MCTP1: variants seen among roughly 807,000 people sequenced by gnomAD.
The protein encoded by MCTP1 is multiple C2 and transmembrane domain containing 1.
In MCTP1, 69 loss-of-function variants were observed where a neutral mutation model predicts 120.6. The ratio of observed to expected loss-of-function variants is 0.57; its 90% confidence interval spans 0.47 to 0.70. The LOEUF (loss-of-function observed/expected upper bound fraction) is 0.70. Among genes scored for constraint, MCTP1 ranks in the 30% least tolerant of loss-of-function variants. The pLI, the probability that MCTP1 is intolerant of heterozygous loss-of-function variation, is 0.00. For synonymous variants in MCTP1, 529 were observed against 493.1 expected (o/e 1.07, Z -0.96); for missense variants, 1,203 against 1,248.8 (o/e 0.96, Z 0.55).
intron 11 of MCTP1, among the ~76,000 whole-genome samples, chr5:94,889,544 G>A (rs1186469505): frequency 3.3e-5 from 5 of 152,048 alleles, no homozygotes; most frequent in African/African-American, 4.8e-5. Context: ...AGCCAAGATC[G>A]CGCCACTGCA....
chr5:94,837,338 A>T (rs1790018266), intron 17 of MCTP1, among the ~76,000 whole-genome samples: 1 of 152,136 alleles, frequency 6.6e-6, no homozygotes, highest in South Asian at 2.1e-4. Flanking sequence ...CCATGATCAT[A>T]CCACTGCACT....
At chr5:95,085,914 C>T (rs965372208) in intron 1 of MCTP1, among the ~76,000 whole-genome samples, 1 of 151,714 alleles carries the variant, frequency 6.6e-6, no homozygotes, top group Non-Finnish European at 1.5e-5. Flanking sequence ...GTGTTATTTG[C>T]CTTTTCCTGA....
intron 2 of MCTP1, among the ~76,000 whole-genome samples, chr5:94,969,547 C>G (rs1304398160): frequency 2.0e-5 from 3 of 151,938 alleles, no homozygotes; most frequent in East Asian, 3.9e-4. Flanking sequence ...AATGCTAAGT[C>G]TTCATCGAAA....
chr5:94,766,867 T>A (rs1389882406), intron 19 of MCTP1, among the ~76,000 whole-genome samples: 1 of 152,156 alleles, frequency 6.6e-6, no homozygotes, highest in Non-Finnish European at 1.5e-5. Flanking sequence ...TATAAAGAAC[T>A]AACAATTCTT....
intron 1 of MCTP1, among the ~76,000 whole-genome samples, chr5:95,201,914 CT>C (rs1751103266): frequency 6.6e-6 from 1 of 152,146 alleles, no homozygotes; most frequent in Admixed American, 6.5e-5. Context: ...GGTATTGCTA[CT>C]CTGTGTTCTA....
At chr5:95,217,003 T>C (rs1034527717) in intron 1 of MCTP1, among the ~76,000 whole-genome samples, 1 of 152,172 alleles carries the variant, frequency 6.6e-6, no homozygotes, top group African/African-American at 2.4e-5. Flanking sequence ...GGTATATCAC[T>C]AGCAGATGCG....
At chr5:95,157,116 A>G (rs28672380) in intron 1 of MCTP1, among the ~76,000 whole-genome samples, 2,468 of 152,292 alleles carry the variant, frequency 0.016, 60 homozygotes, top group African/African-American at 0.056. Context: ...AAAATTATAA[A>G]TAGGTAAAAT....
intron 2 of MCTP1, among the ~76,000 whole-genome samples, chr5:94,988,218 C>A (rs1830758303): frequency 6.6e-6 from 1 of 152,098 alleles, no homozygotes; most frequent in Admixed American, 6.6e-5. Flanking sequence ...TTCATGAATA[C>A]TATACTAAAA....
chr5:95,274,972 C>T (rs551899570), intron 1 of MCTP1, among the ~76,000 whole-genome samples: 7 of 152,152 alleles, frequency 4.6e-5, no homozygotes, highest in African/African-American at 1.4e-4. Context: ...CACATACCCC[C>T]GCAACCACTG....
intron 1 of MCTP1, among the ~76,000 whole-genome samples, chr5:95,164,589 A>G (rs1455554732): frequency 3.3e-5 from 5 of 152,186 alleles, no homozygotes; most frequent in Non-Finnish European, 5.9e-5. Flanking sequence ...TAAACAATAA[A>G]TAAGTTTTAG....
At chr5:95,085,164 G>A (rs1391255861) in intron 1 of MCTP1, among the ~76,000 whole-genome samples, 1 of 151,994 alleles carries the variant, frequency 6.6e-6, no homozygotes, top group Non-Finnish European at 1.5e-5. Context: ...AGACACATCT[G>A]AAGCCTCCAT....
At chr5:94,749,654 C>CAAAAAAAAAAAAAAA (rs57404381) in intron 19 of MCTP1, among the ~76,000 whole-genome samples, 1 of 50,962 alleles carries the variant, frequency 2.0e-5, no homozygotes, top group Non-Finnish European at 3.3e-5. Context: ...GACTTCATCT[C>CAAAAAAAAAAAAAAA]AAAAAAAAAA....
At chr5:94,972,814 T>C (rs1236852464) in intron 2 of MCTP1, among the ~76,000 whole-genome samples, 3 of 152,054 alleles carry the variant, frequency 2.0e-5, no homozygotes, top group African/African-American at 7.2e-5. Flanking sequence ...TTTGTGTGAG[T>C]CCCATTCAAT....
At chr5:94,822,046 G>C (rs1283821408) in intron 17 of MCTP1, among the ~76,000 whole-genome samples, 43 of 151,838 alleles carry the variant, frequency 2.8e-4, no homozygotes, top group Non-Finnish European at 1.3e-4. Context: ...TTTTTGCATG[G>C]TTTTCATATC....
chr5:94,970,136 G>A (rs1198699917), intron 2 of MCTP1, among the ~76,000 whole-genome samples: 3 of 151,952 alleles, frequency 2.0e-5, no homozygotes, highest in Non-Finnish European at 4.4e-5. Context: ...GTGTAGCATA[G>A]GATGGCACTA....
rs1754087389 is a variant in MCTP1, at chr5:94,704,446, A to G, written c.*3050T>C. On this transcript the variant is annotated 3_prime_UTR_variant, in exon 23 of 23. Coordinates refer to ENST00000515393, the MANE Select transcript of MCTP1 (RefSeq NM_024717.7). ...TCGCTGAAATTACTGCCTTTGAATA[A>G]CATTAATACAAATGTAGACTACTTT... 1 of 151,518 alleles carries G rather than the reference A, an allele frequency of 6.6e-6. No individual in the cohort carries two copies. The highest frequency in any genetic ancestry group is 1.5e-5 in the Non-Finnish European group (1 of 67,640). The allele number at this position is 151,518 out of a possible 1,614,324, so 9.4% of individuals were successfully genotyped here.
At chr5:95,122,764 T>G (rs1758336763) in intron 1 of MCTP1, among the ~76,000 whole-genome samples, 1 of 152,190 alleles carries the variant, frequency 6.6e-6, no homozygotes, top group South Asian at 2.1e-4. Context: ...CATCACCAGA[T>G]GAACAGATAA....
intron 19 of MCTP1, among the ~76,000 whole-genome samples, chr5:94,758,693 A>G (rs1413384000): frequency 6.6e-6 from 1 of 152,190 alleles, no homozygotes; most frequent in Admixed American, 6.5e-5. Context: ...TTTCATATCA[A>G]CTGTTTTAGT....
intron 1 of MCTP1, among the ~76,000 whole-genome samples, chr5:95,153,910 T>C (rs187417133): frequency 4.8e-4 from 73 of 152,322 alleles, no homozygotes; most frequent in African/African-American, 1.7e-3. Context: ...TGTGTTTGTC[T>C]TTCTAAAATC....
Sources: allele counts gnomAD v4.1 joint callset (sites outside exome capture counted in the v4.1 genomes callset), GRCh38; gene constraint gnomAD v4.1.1; transcripts MANE v1.5; gene names NCBI Gene and HGNC (gene_info 2026-07-23, HGNC 2026-07-21).